Variants in TAFA2 observed in about 807,000 individuals in gnomAD.
TAFA2 encodes chemokine-like protein TAFA-2.
TAFA2 carries 7 observed loss-of-function variants against 18.8 expected under a neutral mutation model. The ratio of observed to expected loss-of-function variants is 0.37; its 90% CI spans 0.21 to 0.70. TAFA2 has a LOEUF of 0.70. TAFA2 is among the 30% of genes least tolerant of loss of function. TAFA2 has a pLI of 0.53. For synonymous variants in TAFA2, 60 were observed against 54.2 expected, an observed-to-expected ratio of 1.11 and a Z score of -0.47; for missense variants, 122 against 158.1, an observed-to-expected ratio of 0.77 and a Z score of 1.23.
chr12:62,123,538 C>G (rs1191142300), intron 1 of TAFA2, among the ~76,000 whole-genome samples: 1 of 152,042 alleles, frequency 6.6e-6, no homozygotes, highest in Non-Finnish European at 1.5e-5. Flanking sequence ...GTGGTCAGAT[C>G]TTTTCAGGAT....
intron 1 of TAFA2, among the ~76,000 whole-genome samples, chr12:62,230,839 A>G (rs1283197921): frequency 6.6e-6 from 1 of 152,128 alleles, no homozygotes; most frequent in Non-Finnish European, 1.5e-5. Context: ...ACTAGGTCTG[A>G]CTAATTTTTT....
At chr12:61,836,732 G>GATATATATGTATATATATATATAT (rs58543429) in intron 2 of TAFA2, among the ~76,000 whole-genome samples, 75 of 112,748 alleles carry the variant, frequency 6.7e-4, no homozygotes, top group East Asian at 1.1e-3. Flanking sequence ...TTGCCAATTT[G>GATATATATGTATATATATATATAT]ATATATATAT....
At chr12:62,243,509 A>G (rs150266371) in intron 1 of TAFA2, among the ~76,000 whole-genome samples, 2 of 152,332 alleles carry the variant, frequency 1.3e-5, no homozygotes, top group East Asian at 3.9e-4. Context: ...GCTACCACTT[A>G]TGGACTGATT....
intron 1 of TAFA2, among the ~76,000 whole-genome samples, chr12:61,976,334 T>C (rs1056104856): frequency 4.6e-5 from 7 of 151,896 alleles, no homozygotes; most frequent in Non-Finnish European, 1.0e-4. Flanking sequence ...TTTGTTCTCC[T>C]TTCATTAAAC....
chr12:62,163,349 G>GTTTTT (rs2062418374), intron 1 of TAFA2, among the ~76,000 whole-genome samples: 5 of 152,002 alleles, frequency 3.3e-5, no homozygotes, highest in Middle Eastern at 6.8e-3. Flanking sequence ...TTAGGAGCTG[G>GTTTTT]GTTTTTGTTT....
At chr12:62,216,905 T>G (rs977564694) in intron 1 of TAFA2, among the ~76,000 whole-genome samples, 1 of 152,220 alleles carries the variant, frequency 6.6e-6, no homozygotes, top group Non-Finnish European at 1.5e-5. Flanking sequence ...CATTACGGTA[T>G]ACCATATGCA....
At chr12:61,809,792 T>C (rs924018185) in intron 2 of TAFA2, among the ~76,000 whole-genome samples, 1 of 151,328 alleles carries the variant, frequency 6.6e-6, no homozygotes, top group Non-Finnish European at 1.5e-5. Flanking sequence ...CCCTGTTGTC[T>C]TCAATATGAA....
intron 1 of TAFA2, among the ~76,000 whole-genome samples, chr12:62,093,845 G>A (rs1167721946): frequency 1.4e-4 from 22 of 152,030 alleles, no homozygotes; most frequent in Admixed American, 1.2e-3. Flanking sequence ...ATAAAATTGA[G>A]TAATACCATC....
chr12:61,864,409 T>G (rs572751826), intron 2 of TAFA2, among the ~76,000 whole-genome samples: 1 of 142,450 alleles, frequency 7.0e-6, no homozygotes, highest in African/African-American at 2.9e-5. Flanking sequence ...TGTATATATA[T>G]ATTTCTATAT....
At chr12:61,748,025 A>G (rs1242544852) in intron 4 of TAFA2, among the ~76,000 whole-genome samples, 1 of 152,054 alleles carries the variant, frequency 6.6e-6, no homozygotes, top group African/African-American at 2.4e-5. Context: ...TGAATTGGAC[A>G]TAGGAAACAG....
intron 2 of TAFA2, among the ~76,000 whole-genome samples, chr12:61,831,869 G>A (rs1317481430): frequency 8.6e-5 from 13 of 151,888 alleles, no homozygotes; most frequent in Admixed American, 8.5e-4. Context: ...CCCCACGACA[G>A]GCCCCGGTGT....
chr12:61,816,881 T>C (rs1327510337), intron 2 of TAFA2, among the ~76,000 whole-genome samples: 2 of 150,620 alleles, frequency 1.3e-5, no homozygotes, highest in Non-Finnish European at 2.9e-5. Context: ...AGATATTGTC[T>C]AACTTTTTTT....
intron 1 of TAFA2, among the ~76,000 whole-genome samples, chr12:62,161,063 C>T (rs2062404048): frequency 6.6e-6 from 1 of 152,080 alleles, no homozygotes; most frequent in African/African-American, 2.4e-5. Context: ...ACTCAGTGAG[C>T]CTACTCTATT....
chr12:61,953,832 C>T (rs1360538378), intron 1 of TAFA2, among the ~76,000 whole-genome samples: 1 of 152,176 alleles, frequency 6.6e-6, no homozygotes, highest in African/African-American at 2.4e-5. Flanking sequence ...CAAGATCAGA[C>T]ACAGACATAG....
At chr12:61,910,095 TG>T (rs1169632434) in intron 1 of TAFA2, among the ~76,000 whole-genome samples, 6,119 of 89,386 alleles carry the variant, frequency 0.068, 439 homozygotes, top group African/African-American at 0.25. Flanking sequence ...TGTGTGTGTG[TG>T]TGTTTGTGTG....
intron 1 of TAFA2, among the ~76,000 whole-genome samples, chr12:62,050,987 C>T (rs1442271997): frequency 3.3e-5 from 5 of 152,312 alleles, no homozygotes; most frequent in Admixed American, 6.5e-5. Flanking sequence ...CGCTCAGTCT[C>T]GAAGAGTTCT....
chr12:62,130,125 G>A (rs964043876), intron 1 of TAFA2, among the ~76,000 whole-genome samples: 1 of 151,920 alleles, frequency 6.6e-6, no homozygotes, highest in African/African-American at 2.4e-5. Flanking sequence ...TAAATTATAA[G>A]ACAAGGGAGA....
At chr12:61,991,590 C>G (rs1180278959) in intron 1 of TAFA2, among the ~76,000 whole-genome samples, 1 of 152,212 alleles carries the variant, frequency 6.6e-6, no homozygotes, top group African/African-American at 2.4e-5. Context: ...ATTTATCCCT[C>G]TGTTGGTTCT....
Position 62,002,313 on chromosome 12 carries a change from C to T in TAFA2, c.-1-134887G>A, listed in dbSNP as rs188804058. On this transcript the variant is annotated intron_variant, in intron 1 of 4. Coordinates refer to ENST00000416284, the MANE Select transcript of TAFA2 (RefSeq NM_178539.5). ...AAGACCTTTTTTAGTTTCTCCTTTC[C>T]TTACAAATAGCCCCCATGTAACCTC... Among the ~76,000 whole-genome samples, 22 of 152,222 alleles carry T rather than the reference C, an allele frequency of 1.4e-4. No individual in the cohort carries two copies. In the East Asian group the frequency reaches 3.7e-3, roughly 25 times the overall value.
Sources: gnomAD v4.1 joint callset for allele counts (sites outside exome capture counted in the v4.1 genomes callset) on GRCh38, gnomAD v4.1.1 for gene constraint, MANE v1.5 for transcripts, NCBI Gene and HGNC (gene_info 2026-07-23, HGNC 2026-07-21) for gene names.